Variants in BLTP1 observed in about 807,000 individuals in gnomAD.
The protein encoded by BLTP1 is fragile site-associated protein.
At chr4:122,299,754 A>G in the BLTP1 span, 1 of 967,458 alleles carries the variant, frequency 1.0e-6, no homozygotes, top group Non-Finnish European at 1.2e-6. Context: ...ACATATATGT[A>G]TGTATGTATA....
the BLTP1 span, among the ~76,000 whole-genome samples, chr4:122,191,023 A>G: frequency 1.4e-4 from 21 of 152,168 alleles, no homozygotes; most frequent in African/African-American, 5.1e-4. Flanking sequence ...TTATACTAGT[A>G]GTCATTGTAT....
chr4:122,172,972 G>GT, the BLTP1 span: 1 of 1,591,986 alleles, frequency 6.3e-7, no homozygotes, highest in Non-Finnish European at 8.5e-7. Context: ...GTATTAAATT[G>GT]TAAGAGGACA....
chr4:122,273,936 C>G, the BLTP1 span, among the ~76,000 whole-genome samples: 1 of 151,904 alleles, frequency 6.6e-6, no homozygotes, highest in Non-Finnish European at 1.5e-5. Context: ...TTTATACCCT[C>G]CATTAAAATC....
At chr4:122,278,798 AT>A in the BLTP1 span, among the ~76,000 whole-genome samples, 1 of 152,030 alleles carries the variant, frequency 6.6e-6, no homozygotes, top group Non-Finnish European at 1.5e-5. Flanking sequence ...TACCCAGCTA[AT>A]TTTTATATTT....
At chr4:122,285,776 A>T in the BLTP1 span, among the ~76,000 whole-genome samples, 1 of 152,174 alleles carries the variant, frequency 6.6e-6, no homozygotes, top group African/African-American at 2.4e-5. Flanking sequence ...TGCTGGTTTG[A>T]AAGGAGCATG....
chr4:122,202,678 T>C, the BLTP1 span: 1 of 233,148 alleles, frequency 4.3e-6, no homozygotes, highest in Non-Finnish European at 7.0e-6. Context: ...ATCTTTAGAC[T>C]CTTGCAGTGC....
At chr4:122,207,514 C>CTTTTTTTTTTTTTTTTTCTTT in the BLTP1 span, 1 of 1,285,990 alleles carries the variant, frequency 7.8e-7, no homozygotes, top group East Asian at 2.6e-5. Context: ...ACTTTTTCTT[C>CTTTTTTTTTTTTTTTTTCTTT]TTTTTTTTTT....
chr4:122,324,325 G>C, the BLTP1 span: 1 of 1,226,386 alleles, frequency 8.2e-7, no homozygotes, highest in East Asian at 2.7e-5. Context: ...AAGTCCCCTG[G>C]GGAAAACAAC....
At chr4:122,263,008 A>T in the BLTP1 span, 1 of 1,605,438 alleles carries the variant, frequency 6.2e-7, no homozygotes, top group Non-Finnish European at 8.5e-7. Context: ...TTTGATAATT[A>T]CATGTTTATA....
chr4:122,327,604 T>G, the BLTP1 span, among the ~76,000 whole-genome samples: 1 of 151,658 alleles, frequency 6.6e-6, no homozygotes, highest in African/African-American at 2.4e-5. Context: ...GGGGCTCATT[T>G]TTAAAAGATC....
the BLTP1 span, among the ~76,000 whole-genome samples, chr4:122,222,369 G>A: frequency 2.0e-5 from 3 of 152,202 alleles, no homozygotes; most frequent in South Asian, 2.1e-4. Flanking sequence ...CAAGATGAAG[G>A]TTCTAAGGTG....
chr4:122,345,496 G>T, the BLTP1 span, among the ~76,000 whole-genome samples: 1 of 152,014 alleles, frequency 6.6e-6, no homozygotes, highest in Non-Finnish European at 1.5e-5. Flanking sequence ...ACATTTAATT[G>T]GTTGGAGCCA....
chr4:122,229,797 T>G, the BLTP1 span: 1 of 1,354,896 alleles, frequency 7.4e-7, no homozygotes, highest in South Asian at 2.0e-5. Context: ...CCTTTTTTAT[T>G]TCTTTTTCCT....
chr4:122,210,449 T>C, the BLTP1 span, among the ~76,000 whole-genome samples: 1 of 152,304 alleles, frequency 6.6e-6, no homozygotes, highest in South Asian at 2.1e-4. Flanking sequence ...TTTGTATTTT[T>C]CCAGTGAGTT....
the BLTP1 span, chr4:122,187,459 C>T: frequency 5.0e-6 from 8 of 1,611,662 alleles, no homozygotes; most frequent in South Asian, 7.7e-5. Context: ...ATCCCAAGAC[C>T]CCACATCTTC....
the BLTP1 span, chr4:122,362,040 T>G: frequency 1.2e-6 from 2 of 1,608,312 alleles, no homozygotes; most frequent in Non-Finnish European, 1.7e-6. Context: ...GATTAATTTC[T>G]TGGACTGGAA....
chr4:122,235,140 G>A, the BLTP1 span: 1 of 982,428 alleles, frequency 1.0e-6, no homozygotes, highest in South Asian at 1.6e-5. Flanking sequence ...GATGTTATGA[G>A]TAGGGTTTAG....
At chr4:122,251,236 TTAGC>T in the BLTP1 span, 1 of 870,052 alleles carries the variant, frequency 1.1e-6, no homozygotes, top group Non-Finnish European at 1.4e-6. Context: ...TATGAAGGGC[TTAGC>T]TCAGTATGTA....
chr4:122,159,461 C>CAA, the BLTP1 span, among the ~76,000 whole-genome samples: 11 of 123,660 alleles, frequency 8.9e-5, no homozygotes, highest in African/African-American at 2.6e-4. Flanking sequence ...GACTCTGTCC[C>CAA]AAAAAAAAAA....
Sources: gnomAD v4.1 joint callset for allele counts (sites outside exome capture counted in the v4.1 genomes callset) on GRCh38, gnomAD v4.1.1 for gene constraint, MANE v1.5 for transcripts, NCBI Gene and HGNC (gene_info 2026-07-23, HGNC 2026-07-21) for gene names.